The following DPEP2 variants were observed in gnomAD, a reference collection of about 807,000 sequenced individuals.
The protein encoded by DPEP2 is dipeptidase 2.
A neutral mutation model predicts 51.8 loss-of-function variants in DPEP2; 45 were observed. The ratio of observed to expected loss-of-function variants is 0.87; its 90% CI spans 0.68 to 1.11. DPEP2 has a LOEUF of 1.11. Ranked by LOEUF, DPEP2 falls within the 50% of genes most tolerant of loss-of-function variation. DPEP2 has a pLI of 0.00. For synonymous variants in DPEP2, 255 were observed against 262.7 expected (o/e 0.97, Z 0.28); for missense variants, 604 against 631.9 (o/e 0.96, Z 0.47).
chr16:67,989,528 C>G (rs1336763867), intron 8 of DPEP2, 130 bp from the exon 9 acceptor site: 3 of 904,034 alleles, frequency 3.3e-6, no homozygotes, highest in East Asian at 5.1e-5. Context: ...TATGGCCTGC[C>G]ACATAGCTTG....
intron 7 of DPEP2, among the ~76,000 whole-genome samples, chr16:67,990,614 C>T (rs2032007873): frequency 6.6e-6 from 1 of 152,182 alleles, no homozygotes; most frequent in Non-Finnish European, 1.5e-5. Context: ...CAGGAATATG[C>T]CATCACACCC....
At position 67,992,045 on chromosome 16, in the gene DPEP2, T is replaced by C. The variant is rs2032227352; in HGVS notation, c.520+19A>G. The C allele has an allele frequency of 6.2e-7, 1 of 1,614,106 alleles. No homozygotes were observed. The highest frequency in any genetic ancestry group is 8.5e-7 in the Non-Finnish European group (1 of 1,179,978). On this transcript the variant is annotated intron_variant, in intron 4 of 10. Coordinates refer to ENST00000393847, the MANE Select transcript of DPEP2 (RefSeq NM_022355.4). ...AGTAGCTCAATCAAGTTCCTAACGCTTCCCATCAACTTGCCTACCTTTAGC... is the reference window on the plus strand; with the variant it reads ...AGTAGCTCAATCAAGTTCCTAACGCCTCCCATCAACTTGCCTACCTTTAGC...
chr16:67,999,275 T>C (rs1362310348), intron 1 of DPEP2, 100 bp downstream of exon 1: 1 of 156,968 alleles, frequency 6.4e-6, no homozygotes, highest in Non-Finnish European at 1.4e-5. Context: ...ACCACGAAGG[T>C]CTGCAGCTTC....
chr16:67,991,604 C>T lies in DPEP2; in HGVS notation c.662+234G>A. 1 of 601,006 alleles carries T rather than the reference C, an allele frequency of 1.7e-6. No homozygotes were observed. Among genetic ancestry groups the T allele is most frequent in the Non-Finnish European group, 2.8e-6 (1 of 355,518 alleles). 37.2% of individuals were successfully genotyped at this position (601,006 alleles called of 1,614,324 possible). ...TCTTGGCCAGGCTGGTCTCGAACTCCTGGCCTTAAGTTATCTGTCCGCCTC... is the reference window on the plus strand; with the variant it reads ...TCTTGGCCAGGCTGGTCTCGAACTCTTGGCCTTAAGTTATCTGTCCGCCTC... On this transcript the variant is annotated intron_variant, in intron 5 of 10. Coordinates refer to ENST00000393847, the MANE Select transcript of DPEP2 (RefSeq NM_022355.4). The surrounding 1 kb of genome is among the most constrained non-coding windows in gnomAD (Gnocchi z 5.1).
At position 67,991,355 on chromosome 16, in the gene DPEP2, CT is replaced by C. The variant is rs1195513156; in HGVS notation, c.663-172del. Among the ~76,000 whole-genome samples, 57 of 150,276 alleles carry C rather than the reference CT, an allele frequency of 3.8e-4. No individual in the cohort carries two copies. The highest frequency in any genetic ancestry group is 2.1e-3 in the East Asian group (11 of 5,124). ...GCAGGAGGGCCCTGCTGGGTCCAGT[CT>C]TTTTTTTCCTTTTCTTTTTTTTTTT... On this transcript the variant is annotated intron_variant, in intron 5 of 10. Transcript: ENST00000393847. This position sits in a 1 kb window ranked among gnomAD's most constrained non-coding sequence, Gnocchi z 5.1.
chr16:67,988,037 C>A lies in DPEP2; in HGVS notation c.1071-50G>T, dbSNP rs777126164. On this transcript the variant is annotated intron_variant, in intron 9 of 10. Coordinates refer to ENST00000393847, the MANE Select transcript of DPEP2 (RefSeq NM_022355.4). ...TTCAGACCTGATTCCCTGATCATGA[C>A]TCAGAACCACAGTCCAGGGTCTATG... 18 of 1,612,394 alleles carry A rather than the reference C, an allele frequency of 1.1e-5. 1 individual carries two copies. The South Asian group carries it at 1.4e-4, about 13-fold the overall frequency.
intron 1 of DPEP2, among the ~76,000 whole-genome samples, chr16:67,995,730 G>A (rs8060030): frequency 1.3e-5 from 2 of 152,202 alleles, no homozygotes; most frequent in African/African-American, 4.8e-5. Flanking sequence ...TTGGGAGGCC[G>A]AGGTGGGTGG....
Position 67,991,948 on chromosome 16 carries a change from G to A in DPEP2, c.552C>T (p.Leu184=). 1.2e-6 allele frequency: 2 copies of A among 1,614,226 alleles called. No individual in the cohort carries two copies. Among genetic ancestry groups the A allele is most frequent in the Non-Finnish European group, 1.7e-6 (2 of 1,180,038 alleles). Residue 184 remains leucine (L), a synonymous_variant, in exon 5 of 11, where the codon CTC becomes CTT. Coordinates refer to ENST00000393847, the MANE Select transcript of DPEP2 (RefSeq NM_022355.4). This position sits in a 1 kb window ranked among gnomAD's most constrained non-coding sequence, Gnocchi z 5.1. Reference sequence around the variant, plus strand: ...GCGAGTGGCCACCCTCTACACCGATGAGGCAGGCCAATTTCTGAGTGTCGT... The same window carrying A: ...GCGAGTGGCCACCCTCTACACCGATAAGGCAGGCCAATTTCTGAGTGTCGT... ...ALNDTQKLAC[L]IGVEGGHSLD...
At chr16:67,995,262 G>A (rs1168939521) in intron 1 of DPEP2, among the ~76,000 whole-genome samples, 1 of 151,786 alleles carries the variant, frequency 6.6e-6, no homozygotes, top group African/African-American at 2.4e-5. Flanking sequence ...GCCCAGGCTG[G>A]TCTCAAACTT....
At chr16:67,988,047 C>T in intron 9 of DPEP2, 60 bp from the exon 10 acceptor site, 2 of 1,610,242 alleles carry the variant, frequency 1.2e-6, no homozygotes, top group Admixed American at 1.7e-5. Context: ...CTCAGAACCA[C>T]AGTCCAGGGT....
chr16:67,994,203 T>A, intron 1 of DPEP2: 2 of 985,486 alleles, frequency 2.0e-6, no homozygotes, highest in Non-Finnish European at 2.4e-6. Context: ...GGATACCTCC[T>A]ACCTCCTTGA....
intron 7 of DPEP2, 88 bp from the exon 8 acceptor site, chr16:67,990,219 G>T: frequency 7.8e-7 from 1 of 1,288,822 alleles, no homozygotes; most frequent in Non-Finnish European, 1.1e-6. Context: ...TGGAGAGGGT[G>T]TTCAGCTCTG....
intron 1 of DPEP2, 200 bp from the exon 2 acceptor site, chr16:67,993,457 C>G: frequency 2.4e-6 from 3 of 1,247,632 alleles, no homozygotes; most frequent in Non-Finnish European, 3.0e-6. Context: ...GCGCTCCCGC[C>G]GGCTGGGCGG....
intron 1 of DPEP2, 161 bp downstream of exon 1, chr16:67,999,214 C>G (rs1021495079): frequency 1.3e-5 from 2 of 153,130 alleles, no homozygotes; most frequent in African/African-American, 4.9e-5. Context: ...CACAAGCCCA[C>G]TGGGAGGAAC....
rs552543500 is a variant in DPEP2, at chr16:67,991,138, T to C, written c.709A>G (p.Ser237Gly). ...ACCTCACCAAAGTCAGTCAGCCCGC[T>C]GATGTTGTTGTAGAAGGAGTGGACG... Reference protein sequence around the residue: ...KGVHSFYNNISGLTDFGEKVV... With the variant: ...KGVHSFYNNIGGLTDFGEKVV... The change falls in exon 6 of 11, where the codon AGC becomes GGC. Residue 237 changes from serine to glycine, a missense_variant. Physicochemically the swap from Ser to Gly is moderately conservative, Grantham distance 56. Coordinates refer to ENST00000393847, the MANE Select transcript of DPEP2 (RefSeq NM_022355.4). This position sits in a 1 kb window ranked among gnomAD's most constrained non-coding sequence, Gnocchi z 5.1. 3.1e-4 allele frequency: 508 copies of C among 1,614,132 alleles called. 12 individuals are homozygous for C. In the South Asian group the frequency reaches 5.3e-3, roughly 17 times the overall value.
At chr16:67,990,002 A>G in intron 8 of DPEP2, 45 bp downstream of exon 8, 1 of 1,602,640 alleles carries the variant, frequency 6.2e-7, no homozygotes, top group South Asian at 1.1e-5. Context: ...CCAAGTCTTC[A>G]GGTGCAAATC....
At chr16:67,992,217 C>A in intron 3 of DPEP2, 24 bp from the exon 4 acceptor site, 1 of 1,611,904 alleles carries the variant, frequency 6.2e-7, no homozygotes, top group Non-Finnish European at 8.5e-7. Context: ...CAGGGTTTGG[C>A]TTGGATGGGG....
At chr16:67,990,738 A>G in intron 7 of DPEP2, 83 bp downstream of exon 7, 1 of 1,473,066 alleles carries the variant, frequency 6.8e-7, no homozygotes, top group Non-Finnish European at 9.3e-7. Context: ...TGCTGGGATT[A>G]CAGGTGTGAG....
chr16:68,000,463 G>T, upstream of DPEP2: 1 of 985,370 alleles, frequency 1.0e-6, no homozygotes, highest in Non-Finnish European at 1.2e-6. Flanking sequence ...ATCCAGCAGT[G>T]CCCAGATGAT....
Sources: allele counts gnomAD v4.1 joint callset (sites outside exome capture counted in the v4.1 genomes callset), GRCh38; gene constraint gnomAD v4.1.1; non-coding constraint Gnocchi (gnomAD v3.1); transcripts MANE v1.5; gene names NCBI Gene and HGNC (gene_info 2026-07-23, HGNC 2026-07-21).